Variants in CNTNAP3B observed in about 807,000 individuals in gnomAD.
CNTNAP3B encodes contactin associated protein family member 3B, also known as contactin-associated protein-like 3B.
In CNTNAP3B, 25 loss-of-function variants were observed where a neutral mutation model predicts 108.9. That is an observed-to-expected ratio of 0.23 (90% CI 0.17 to 0.32). The LOEUF (loss-of-function observed/expected upper bound fraction) is 0.32, where lower values mean the gene tolerates loss of function less well. Among genes scored for constraint, CNTNAP3B ranks in the 10% least tolerant of loss-of-function variants. The pLI, the probability that CNTNAP3B is intolerant of heterozygous loss-of-function variation, is 1.00. For synonymous variants in CNTNAP3B, 103 were observed against 473.4 expected (o/e 0.22, Z 10.16); for missense variants, 252 against 1,210.4 (o/e 0.21, Z 11.75).
intron 10 of CNTNAP3B, among the ~76,000 whole-genome samples, chr9:41,966,686 G>A (rs1825286864): frequency 6.6e-6 from 1 of 152,272 alleles, no homozygotes; most frequent in South Asian, 2.1e-4. Flanking sequence ...AACCTATCCT[G>A]GCTGGGTGTG....
intron 13 of CNTNAP3B, among the ~76,000 whole-genome samples, chr9:41,939,569 T>TA (rs1473762912): frequency 1.3e-5 from 2 of 152,292 alleles, no homozygotes; most frequent in Non-Finnish European, 2.9e-5. Context: ...AGGAATCTTT[T>TA]AAAAATGTGC....
At chr9:42,082,991 C>T (rs1316181457) in intron 2 of CNTNAP3B, among the ~76,000 whole-genome samples, 1 of 138,984 alleles carries the variant, frequency 7.2e-6, no homozygotes, top group Non-Finnish European at 1.5e-5. Context: ...AGTGTAAACA[C>T]ATGGAAAAAT....
chr9:41,916,359 G>A (rs1411552954), intron 18 of CNTNAP3B, among the ~76,000 whole-genome samples: 1 of 147,248 alleles, frequency 6.8e-6, no homozygotes, highest in African/African-American at 2.6e-5. Context: ...CACTGAAAAG[G>A]GTAAGAAATA....
At chr9:42,003,220 T>C (rs1200343526) in intron 4 of CNTNAP3B, among the ~76,000 whole-genome samples, 1 of 133,146 alleles carries the variant, frequency 7.5e-6, no homozygotes, top group Non-Finnish European at 1.6e-5. Context: ...CAGAATGTAC[T>C]CTTAAATCTG....
chr9:41,941,256 G>C (rs1824333832), intron 13 of CNTNAP3B, among the ~76,000 whole-genome samples: 2 of 149,754 alleles, frequency 1.3e-5, no homozygotes, highest in African/African-American at 2.5e-5. Context: ...ACAAAAGTTA[G>C]ATGCTGGCAG....
intron 14 of CNTNAP3B, among the ~76,000 whole-genome samples, chr9:41,930,532 G>T (rs1429122510): frequency 2.0e-5 from 3 of 151,898 alleles, no homozygotes; most frequent in African/African-American, 7.2e-5. Flanking sequence ...GGCAAAGTGA[G>T]ACCCTGTCTC....
chr9:42,053,854 T>C (rs967957366), intron 3 of CNTNAP3B, among the ~76,000 whole-genome samples: 3 of 144,894 alleles, frequency 2.1e-5, no homozygotes, highest in Non-Finnish European at 3.0e-5. Flanking sequence ...AAGCCATATA[T>C]TTTGAGACAG....
intron 9 of CNTNAP3B, among the ~76,000 whole-genome samples, chr9:41,982,421 A>T (rs1587174195): frequency 8.2e-6 from 1 of 121,980 alleles, no homozygotes; most frequent in South Asian, 2.9e-4. Context: ...GACACTTTTC[A>T]AAAGAAGACA....
chr9:41,939,980 TA>T (rs557863811), intron 13 of CNTNAP3B, among the ~76,000 whole-genome samples: 3 of 152,198 alleles, frequency 2.0e-5, no homozygotes, highest in Non-Finnish European at 4.4e-5. Flanking sequence ...CATAACGTTT[TA>T]AAAAAACTCT....
chr9:41,915,607 T>C (rs1366167676), intron 18 of CNTNAP3B, among the ~76,000 whole-genome samples: 1 of 140,046 alleles, frequency 7.1e-6, no homozygotes, highest in African/African-American at 2.8e-5. Context: ...GTTGCAGGTT[T>C]TTCATATATG....
At chr9:42,057,494 C>T (rs1325403682) in intron 3 of CNTNAP3B, among the ~76,000 whole-genome samples, 2 of 125,718 alleles carry the variant, frequency 1.6e-5, no homozygotes, top group Admixed American at 8.0e-5. Context: ...CCTGAGCCAC[C>T]GCATCCAGCC....
intron 13 of CNTNAP3B, among the ~76,000 whole-genome samples, chr9:41,942,396 G>T (rs1371542949): frequency 6.6e-6 from 1 of 152,134 alleles, no homozygotes. Flanking sequence ...GGATCACGAG[G>T]TCAGGAGATC....
In CNTNAP3B at chr9:42,080,245, T is replaced by TAA. The variant is rs574932639; in HGVS notation, c.197-3185_197-3184dup. ...TTGGTGTTCATGGTTGCACTCCTGC[T>TAA]AACAGATGACACATTTCAGTGACTT... On this transcript the variant is annotated intron_variant, in intron 2 of 23. Coordinates refer to ENST00000377561, the MANE Select transcript of CNTNAP3B (RefSeq NM_001201380.3). Among the ~76,000 whole-genome samples the TAA allele has an allele frequency of 3.7e-4, 51 of 136,800 alleles. 3 individuals are homozygous for TAA. The highest frequency in any genetic ancestry group is 1.4e-3 in the African/African-American group (48 of 34,218). The allele number at this position is 136,800 out of a possible 152,430, so 89.7% of individuals were successfully genotyped here.
At chr9:42,089,715 G>A (rs1827777411) in intron 2 of CNTNAP3B, among the ~76,000 whole-genome samples, 1 of 147,776 alleles carries the variant, frequency 6.8e-6, no homozygotes, top group African/African-American at 2.6e-5. Context: ...TCACATGGAA[G>A]GACATCTGAA....
chr9:41,938,600 T>A (rs1313776008), intron 13 of CNTNAP3B, among the ~76,000 whole-genome samples, 200 bp from the exon 14 acceptor site: 2 of 152,292 alleles, frequency 1.3e-5, no homozygotes, highest in African/African-American at 4.8e-5. Flanking sequence ...AATATTTCAA[T>A]ATCTAGGCTT....
chr9:42,037,535 T>C lies in CNTNAP3B; in HGVS notation c.391-24010A>G, dbSNP rs535532141. Among the ~76,000 whole-genome samples the C allele has an allele frequency of 6.3e-5, 8 of 126,968 alleles. 2 individuals carry two copies. The highest frequency in any genetic ancestry group is 2.6e-4 in the African/African-American group (8 of 30,792). The allele number at this position is 126,968 out of a possible 152,430, so 83.3% of individuals were successfully genotyped here. A position where few individuals can be genotyped will look rare whatever the true frequency, so the allele number is the denominator to read the frequency against. On this transcript the variant is annotated intron_variant, in intron 3 of 23. Transcript: ENST00000377561. Reference sequence around the variant, plus strand: ...AACTGGAAGAAAGGGTATCAGTGACTGAAGACCAAATGAATGAAATGAAGC... The same window carrying C: ...AACTGGAAGAAAGGGTATCAGTGACCGAAGACCAAATGAATGAAATGAAGC...
At chr9:42,012,975 C>T (rs1208519269) in intron 4 of CNTNAP3B, among the ~76,000 whole-genome samples, 2 of 94,692 alleles carry the variant, frequency 2.1e-5, no homozygotes. Flanking sequence ...CAAGAGATTG[C>T]GAGAAATCAC....
At chr9:41,928,194 G>C (rs1299204385) in intron 15 of CNTNAP3B, among the ~76,000 whole-genome samples, 1 of 152,260 alleles carries the variant, frequency 6.6e-6, no homozygotes, top group Non-Finnish European at 1.5e-5. Context: ...AATGGATGCT[G>C]ATAGAAAACA....
chr9:42,113,559 A>G (rs1055576124), intron 1 of CNTNAP3B, among the ~76,000 whole-genome samples: 2 of 139,894 alleles, frequency 1.4e-5, no homozygotes, highest in Non-Finnish European at 3.1e-5. Context: ...ACAGGTGCAT[A>G]TAATTTAAAA....
Sources: allele counts gnomAD v4.1 joint callset (sites outside exome capture counted in the v4.1 genomes callset), GRCh38; gene constraint gnomAD v4.1.1; transcripts MANE v1.5; gene names NCBI Gene and HGNC (gene_info 2026-07-23, HGNC 2026-07-21).